FAF2: variants seen among roughly 807,000 people sequenced by gnomAD.
FAF2 encodes Fas associated factor family member 2.
In FAF2, 9 loss-of-function variants were observed where a neutral mutation model predicts 62.3. The observed-to-expected ratio is 0.14, with a 90% CI of 0.09 to 0.25. The LOEUF is 0.25. Among genes scored for constraint, FAF2 ranks in the 10% least tolerant of loss-of-function variants. The pLI, the probability that FAF2 is intolerant of heterozygous loss-of-function variation, is 1.00. For missense variants in FAF2, 368 were observed against 556.2 expected, an observed-to-expected ratio of 0.66 and a Z score of 3.40; for synonymous variants, 202 against 198.0, an observed-to-expected ratio of 1.02 and a Z score of -0.17.
intron 1 of FAF2, among the ~76,000 whole-genome samples, chr5:176,475,768 A>G (rs1758677963): frequency 7.2e-6 from 1 of 139,708 alleles, no homozygotes; most frequent in Non-Finnish European, 1.6e-5. Flanking sequence ...GACTTCGTCT[A>G]AAAAAAAAAA....
chr5:176,475,068 G>C (rs1307330592), intron 1 of FAF2, among the ~76,000 whole-genome samples: 1 of 152,098 alleles, frequency 6.6e-6, no homozygotes, highest in East Asian at 1.9e-4. Context: ...ATTAGGTTAA[G>C]TGTTTCAGTA....
intron 1 of FAF2, among the ~76,000 whole-genome samples, chr5:176,458,579 T>A (rs1215365530): frequency 6.6e-6 from 1 of 151,574 alleles, no homozygotes; most frequent in East Asian, 1.9e-4. Flanking sequence ...AATTTTTGTA[T>A]TTTTTAAGTA....
chr5:176,492,480 C>G, intron 5 of FAF2, 148 bp downstream of exon 5: 3 of 873,596 alleles, frequency 3.4e-6, no homozygotes, highest in Non-Finnish European at 4.9e-6. Flanking sequence ...ATAAAAAAGA[C>G]CAAACCTTTT....
intron 1 of FAF2, among the ~76,000 whole-genome samples, chr5:176,456,072 A>G (rs1414876011): frequency 6.6e-6 from 1 of 152,084 alleles, no homozygotes; most frequent in Non-Finnish European, 1.5e-5. Context: ...ATGAAGACTG[A>G]CTGGGTTTGT....
intron 1 of FAF2, among the ~76,000 whole-genome samples, chr5:176,473,964 C>T (rs1366389094): frequency 6.6e-6 from 1 of 152,166 alleles, no homozygotes; most frequent in African/African-American, 2.4e-5. Context: ...CGGCCCCAGT[C>T]CTAGAATCAG....
intron 1 of FAF2, among the ~76,000 whole-genome samples, chr5:176,478,253 G>T (rs1289724769): frequency 1.3e-5 from 2 of 152,188 alleles, no homozygotes; most frequent in Non-Finnish European, 1.5e-5. Flanking sequence ...AAGGCAAGAG[G>T]ATTGCTTGAG....
At chr5:176,482,160 C>T (rs184794356) in intron 2 of FAF2, among the ~76,000 whole-genome samples, 2 of 150,864 alleles carry the variant, frequency 1.3e-5, no homozygotes, top group Admixed American at 1.3e-4. Flanking sequence ...GCAAAAATGT[C>T]TATTCAAGTC....
chr5:176,486,625 T>C, intron 3 of FAF2, 136 bp downstream of exon 3: 1 of 813,714 alleles, frequency 1.2e-6, no homozygotes, highest in Non-Finnish European at 1.9e-6. Flanking sequence ...GCCCGTTGGG[T>C]GTATTATTTT....
intron 2 of FAF2, among the ~76,000 whole-genome samples, chr5:176,485,976 C>T (rs1293504175): frequency 6.6e-6 from 1 of 152,236 alleles, no homozygotes; most frequent in Non-Finnish European, 1.5e-5. Context: ...AGGACTGCTT[C>T]ACTGCATAAC....
intron 1 of FAF2, among the ~76,000 whole-genome samples, chr5:176,461,353 C>CT (rs918206737): frequency 1.2e-4 from 14 of 116,662 alleles, no homozygotes; most frequent in African/African-American, 4.3e-4. Context: ...GGTTCTTGCT[C>CT]TATCTCTCAA....
At chr5:176,504,712 C>T (rs934542011) in intron 10 of FAF2, among the ~76,000 whole-genome samples, 2 of 151,738 alleles carry the variant, frequency 1.3e-5, no homozygotes, top group African/African-American at 2.4e-5. Context: ...AAACTGAAAA[C>T]GAGTTAGGTT....
At chr5:176,499,289 T>C (rs1404263002) in intron 9 of FAF2, among the ~76,000 whole-genome samples, 1 of 152,204 alleles carries the variant, frequency 6.6e-6, no homozygotes, top group Non-Finnish European at 1.5e-5. Context: ...ATTCATTCTT[T>C]TTTAAATAAA....
At chr5:176,463,247 A>G (rs999840269) in intron 1 of FAF2, among the ~76,000 whole-genome samples, 9 of 152,044 alleles carry the variant, frequency 5.9e-5, no homozygotes, top group Non-Finnish European at 1.3e-4. Context: ...TACAAAAAAA[A>G]TTAGCCAGGC....
At chr5:176,448,614 T>C in intron 1 of FAF2, 144 bp downstream of exon 1, 3 of 785,134 alleles carry the variant, frequency 3.8e-6, no homozygotes, top group Admixed American at 3.2e-5. Flanking sequence ...CCAACTGCCC[T>C]GATTCCCCCG....
At chr5:176,472,793 A>G (rs1306510018) in intron 1 of FAF2, among the ~76,000 whole-genome samples, 2 of 152,030 alleles carry the variant, frequency 1.3e-5, no homozygotes, top group African/African-American at 4.8e-5. Context: ...GTTCTTATAC[A>G]GGTAAAATGG....
At chr5:176,450,716 G>C (rs1351542190) in intron 1 of FAF2, among the ~76,000 whole-genome samples, 1 of 152,088 alleles carries the variant, frequency 6.6e-6, no homozygotes. Context: ...ACCACATCCA[G>C]CGAATTTTTT....
intron 1 of FAF2, among the ~76,000 whole-genome samples, chr5:176,448,792 A>G (rs1193369396): frequency 1.3e-5 from 2 of 152,140 alleles, no homozygotes; most frequent in East Asian, 1.9e-4. Context: ...TCTCCGCCCA[A>G]CGAGTCTATA....
In FAF2 at chr5:176,498,992, G is replaced by C. The variant is rs925574407; in HGVS notation, c.918G>C (p.Glu306Asp). 4 of 1,605,970 alleles carry C rather than the reference G, an allele frequency of 2.5e-6. No homozygotes were observed. The highest frequency in any genetic ancestry group is 2.7e-5 in the African/African-American group (2 of 74,770). Residue 306 changes from glutamate to aspartate, a missense_variant, in exon 9 of 11, where the codon GAG becomes GAC. Physicochemically the swap from Glu to Asp is conservative, Grantham distance 45. Around this residue, in one of 2 missense-constraint regions of FAF2, gnomAD observed 331 missense variants for 441.9 expected, o/e 0.75. Coordinates refer to ENST00000261942, the MANE Select transcript of FAF2 (RefSeq NM_014613.3). ...TGGCCTCTCTCAGAGCTGACCAGGA[G>C]AAAGAAAGAAAGAAACGGGAGGAGC... ...AYLASLRADQ[E>D]KERKKREERE...
intron 8 of FAF2, 151 bp from the exon 9 acceptor site, chr5:176,498,763 T>C: frequency 1.5e-6 from 1 of 663,282 alleles, no homozygotes; most frequent in Non-Finnish European, 2.2e-6. Flanking sequence ...CACGCTCTGC[T>C]TTTGGAATCC....
Sources: allele counts gnomAD v4.1 joint callset (sites outside exome capture counted in the v4.1 genomes callset), GRCh38; gene constraint gnomAD v4.1.1; regional missense constraint gnomAD v4.1.1; transcripts MANE v1.5; gene names NCBI Gene and HGNC (gene_info 2026-07-23, HGNC 2026-07-21).